The following OTOGL variants were observed in gnomAD, a reference collection of about 807,000 sequenced individuals.
OTOGL encodes otogelin-like protein.
Under a neutral mutation model 318.5 loss-of-function variants are expected in OTOGL, and 285 were observed. The observed-to-expected ratio is 0.89, with a 90% CI of 0.81 to 0.99. The LOEUF is 0.99. Among genes scored for constraint, OTOGL ranks in the 50% least tolerant of loss-of-function variants. OTOGL has a pLI of 0.00. For synonymous variants in OTOGL, 987 were observed against 936.5 expected (o/e 1.05, Z -0.99); for missense variants, 2,899 against 2,845.6 (o/e 1.02, Z -0.43).
rs758692154 is a variant in OTOGL, at chr12:80,356,399, G to T, written c.5807-17G>T. 3.2e-6 allele frequency: 5 copies of T among 1,586,328 alleles called. No individual in the cohort carries two copies. The Admixed American group carries it at 6.8e-5, about 22-fold the overall frequency. ...AGTTGTGTTCACTAATATTTTAACAGTTTTTCTTATTTATAGGATGTGACA... is the reference window on the plus strand; with the variant it reads ...AGTTGTGTTCACTAATATTTTAACATTTTTTCTTATTTATAGGATGTGACA... On this transcript the variant is annotated splice_polypyrimidine_tract_variant and intron_variant, in intron 47 of 58. Transcript: ENST00000547103.
In OTOGL at chr12:80,256,496, T is replaced by TCAAACAAACAAACAAA. The variant is rs59551371; in HGVS notation, c.1711+48_1711+63dup. On this transcript the variant is annotated intron_variant, in intron 17 of 58. Coordinates refer to ENST00000547103, the MANE Select transcript of OTOGL (RefSeq NM_001378609.3). Reference sequence around the variant, plus strand: ...GTGCTAATGGTGTACTTTCTTTACATCAAACAAACAAACAAACAAACAAAC... The same window carrying TCAAACAAACAAACAAA: ...GTGCTAATGGTGTACTTTCTTTACATCAAACAAACAAACAAACAAACAAACAAACAAACAAACAAAC... 280 of 1,391,854 alleles carry TCAAACAAACAAACAAA rather than the reference T, an allele frequency of 2.0e-4. 2 individuals are homozygous for TCAAACAAACAAACAAA. In the African/African-American group the frequency reaches 2.6e-3, roughly 13 times the overall value. 86.2% of individuals were successfully genotyped at this position (1,391,854 alleles called of 1,614,324 possible).
chr12:80,288,799 C>T (rs888857681), intron 26 of OTOGL, among the ~76,000 whole-genome samples: 3 of 151,910 alleles, frequency 2.0e-5, no homozygotes, highest in Non-Finnish European at 4.4e-5. Flanking sequence ...TTCCTGTAAC[C>T]TTTTATCAAG....
At position 80,258,018 on chromosome 12, in the gene OTOGL, GCATAGTTAA is replaced by G. The variant is rs1882217918; in HGVS notation, c.1889+21_1889+29del. On this transcript the variant is annotated intron_variant, in intron 18 of 58. Coordinates refer to ENST00000547103, the MANE Select transcript of OTOGL (RefSeq NM_001378609.3). The stretch of plus-strand genomic sequence containing the variant: ...ATGATTTTCTGTAAGTATGATTTCT[GCATAGTTAA>G]CATACTTAATGACTGGTCATTTAAA... 2 of 1,558,848 alleles carry G rather than the reference GCATAGTTAA, an allele frequency of 1.3e-6. 1 individual carries two copies. The highest frequency in any genetic ancestry group is 2.4e-5 in the South Asian group (2 of 83,678).
chr12:80,219,800 T>G lies in OTOGL; in HGVS notation c.236-14T>G. 2 of 1,515,290 alleles carry G rather than the reference T, an allele frequency of 1.3e-6. No homozygotes were observed. The highest frequency in any genetic ancestry group is 9.0e-7 in the Non-Finnish European group (1 of 1,110,856). The allele number at this position is 1,515,290 out of a possible 1,614,324, so 93.9% of individuals were successfully genotyped here. On this transcript the variant is annotated splice_polypyrimidine_tract_variant and intron_variant, in intron 5 of 58. Coordinates refer to ENST00000547103, the MANE Select transcript of OTOGL (RefSeq NM_001378609.3). ...GATGCCAGAAGATAACTTTTTTTTT[T>G]TTTTCCCCCTCAGGTTCTTGTCCTT...
intron 44 of OTOGL, among the ~76,000 whole-genome samples, chr12:80,345,862 A>G (rs951233437): frequency 1.3e-5 from 2 of 152,244 alleles, no homozygotes; most frequent in African/African-American, 4.8e-5. Flanking sequence ...TATACACAGT[A>G]GCCTGTGTCT....
chr12:80,125,272 C>T (rs1870752206), intron 1 of OTOGL, among the ~76,000 whole-genome samples: 1 of 152,146 alleles, frequency 6.6e-6, no homozygotes, highest in African/African-American at 2.4e-5. Context: ...TGTCAAAGGC[C>T]TTTTCTGCAT....
intron 26 of OTOGL, among the ~76,000 whole-genome samples, chr12:80,285,378 T>C (rs1341160641): frequency 6.6e-6 from 1 of 152,186 alleles, no homozygotes; most frequent in Non-Finnish European, 1.5e-5. Flanking sequence ...TTTGATTCCA[T>C]ATGAAATTTA....
intron 38 of OTOGL, among the ~76,000 whole-genome samples, chr12:80,333,960 A>G (rs535673857): frequency 6.6e-6 from 1 of 152,322 alleles, no homozygotes; most frequent in South Asian, 2.1e-4. Context: ...AAAGTAGATT[A>G]TGTTAGACCT....
intron 1 of OTOGL, among the ~76,000 whole-genome samples, chr12:80,166,092 C>T (rs1873810699): frequency 1.3e-5 from 2 of 151,926 alleles, no homozygotes; most frequent in Non-Finnish European, 2.9e-5. Context: ...TTTTTGTTTG[C>T]AAGATGCTTT....
chr12:80,149,839 C>T (rs928566178), intron 1 of OTOGL, among the ~76,000 whole-genome samples: 15 of 151,636 alleles, frequency 9.9e-5, no homozygotes, highest in South Asian at 2.1e-4. Flanking sequence ...TTCCAGGTGC[C>T]GGCTGACTAG....
intron 26 of OTOGL, among the ~76,000 whole-genome samples, chr12:80,282,031 A>T (rs145671167): frequency 6.6e-6 from 1 of 151,890 alleles, no homozygotes; most frequent in African/African-American, 2.4e-5. Context: ...GGTAAACTCC[A>T]GGCTTTATAT....
chr12:80,106,857 A>G (rs1869484908), intron 1 of OTOGL, among the ~76,000 whole-genome samples: 1 of 151,352 alleles, frequency 6.6e-6, no homozygotes. Flanking sequence ...TATTAGTACT[A>G]TGTTTTTTTC....
chr12:80,101,302 A>C (rs1390568913), intron 1 of OTOGL, among the ~76,000 whole-genome samples: 2 of 152,190 alleles, frequency 1.3e-5, no homozygotes, highest in Non-Finnish European at 2.9e-5. Context: ...TTGTGGTGGT[A>C]AGTGGGTGGA....
At chr12:80,216,041 A>G (rs1266537410) in intron 4 of OTOGL, among the ~76,000 whole-genome samples, 1 of 152,150 alleles carries the variant, frequency 6.6e-6, no homozygotes, top group Non-Finnish European at 1.5e-5. Flanking sequence ...ATGGGCTGAC[A>G]TGATGGCATG....
At position 80,290,917 on chromosome 12, in the gene OTOGL, T is replaced by C. The variant is rs1885001310; in HGVS notation, c.2929-5910T>C. ...TCTAAGGTTTTGATGGTGGGGACAATGCCTTATATTTCTTGTTATTCTTTC... is the reference window on the plus strand; with the variant it reads ...TCTAAGGTTTTGATGGTGGGGACAACGCCTTATATTTCTTGTTATTCTTTC... On this transcript the variant is annotated intron_variant, in intron 26 of 58. Coordinates refer to ENST00000547103, the MANE Select transcript of OTOGL (RefSeq NM_001378609.3). Among the ~76,000 whole-genome samples, 3 of 152,360 alleles carry C rather than the reference T, an allele frequency of 2.0e-5. No individual in the cohort carries two copies. The South Asian group carries it at 6.2e-4, about 32-fold the overall frequency.
At chr12:80,113,396 T>C (rs1218284850) in intron 1 of OTOGL, among the ~76,000 whole-genome samples, 1 of 152,226 alleles carries the variant, frequency 6.6e-6, no homozygotes, top group Admixed American at 6.5e-5. Context: ...TTTAGTGCTA[T>C]AAATTTCCCT....
chr12:80,236,832 T>TG (rs1879906004), intron 9 of OTOGL, among the ~76,000 whole-genome samples: 2 of 150,304 alleles, frequency 1.3e-5, no homozygotes, highest in East Asian at 3.9e-4. Context: ...TTTTTTTGTT[T>TG]GAGACAGGGT....
At chr12:80,230,653 C>T (rs1879279139) in intron 8 of OTOGL, among the ~76,000 whole-genome samples, 1 of 152,134 alleles carries the variant, frequency 6.6e-6, no homozygotes, top group African/African-American at 2.4e-5. Context: ...AAAGGGTGGT[C>T]TTCTTATTCA....
chr12:80,343,913 G>A (rs17308724), intron 44 of OTOGL: 28,423 of 152,164 alleles, frequency 0.19, 2,836 homozygotes, highest in Middle Eastern at 0.23. Flanking sequence ...GCCATGTGAG[G>A]AAAACATTAA....
Sources: allele counts gnomAD v4.1 joint callset (sites outside exome capture counted in the v4.1 genomes callset), GRCh38; gene constraint gnomAD v4.1.1; transcripts MANE v1.5; gene names NCBI Gene and HGNC (gene_info 2026-07-23, HGNC 2026-07-21).